Variants in NUP93 observed in about 807,000 individuals in gnomAD.
NUP93 encodes nucleoporin 93, also known as nuclear pore complex protein Nup93.
NUP93 carries 55 observed loss-of-function variants against 107.8 expected under a neutral mutation model. The observed-to-expected ratio is 0.51, with a 90% CI of 0.41 to 0.64. The LOEUF (loss-of-function observed/expected upper bound fraction) is 0.64. NUP93 is among the 30% of genes least tolerant of loss of function. The pLI, the probability that NUP93 is intolerant of heterozygous loss-of-function variation, is 0.00. For missense variants in NUP93, 937 were observed against 1,044.7 expected (o/e 0.90, Z 1.42); for synonymous variants, 390 against 397.5 (o/e 0.98, Z 0.22).
At chr16:56,741,785 A>G (rs562731765) in intron 1 of NUP93, 2 of 152,340 alleles carry the variant, frequency 1.3e-5, no homozygotes, top group African/African-American at 2.4e-5. Flanking sequence ...TTTAGGTTGC[A>G]TGATCTTTGA....
At chr16:56,792,081 T>C (rs1962777494) in intron 3 of NUP93, among the ~76,000 whole-genome samples, 1 of 152,106 alleles carries the variant, frequency 6.6e-6, no homozygotes, top group South Asian at 2.1e-4. Context: ...TCCGGAGACT[T>C]AGGTGGGAGG....
rs758408999 is a variant in NUP93, at chr16:56,844,581, T to G, written c.2432T>G (p.Leu811Arg). 16 of 1,594,060 alleles carry G rather than the reference T, an allele frequency of 1.0e-5. No individual in the cohort carries two copies. Among genetic ancestry groups the G allele is most frequent in the Non-Finnish European group, 1.3e-5 (15 of 1,170,542 alleles). Reference sequence around the variant, plus strand: ...ACGTCTGGGGACACCAATGCGAGGCTGGTGCAGATGGAGGTCCTCATGAAT... The same window carrying G: ...ACGTCTGGGGACACCAATGCGAGGCGGGTGCAGATGGAGGTCCTCATGAAT... ...YRTSGDTNAR[L>R]VQMEVLMN is the part of the protein sequence containing the mutation. The change falls in exon 22 of 22, where the codon CTG (leucine) becomes CGG (arginine). Residue 811 changes from leucine (L) to arginine (R), a missense_variant. Transcript: ENST00000308159.
At chr16:56,821,980 G>A (rs895633698) in intron 7 of NUP93, among the ~76,000 whole-genome samples, 1 of 149,982 alleles carries the variant, frequency 6.7e-6, no homozygotes, top group Non-Finnish European at 1.5e-5. Flanking sequence ...ACTCGGTGGG[G>A]CCTTTGTGAG....
chr16:56,799,817 G>A (rs1962982241), intron 4 of NUP93, among the ~76,000 whole-genome samples: 1 of 152,202 alleles, frequency 6.6e-6, no homozygotes, highest in African/African-American at 2.4e-5. Flanking sequence ...GCAGCAGGGA[G>A]ACTTGCCAGC....
At chr16:56,757,217 G>A (rs928543754) in intron 2 of NUP93, among the ~76,000 whole-genome samples, 13 of 152,208 alleles carry the variant, frequency 8.5e-5, no homozygotes, top group Admixed American at 5.2e-4. Flanking sequence ...GTAGGTGTTA[G>A]GGTTACATGT....
chr16:56,816,720 G>T lies in NUP93; in HGVS notation c.490-1944G>T, dbSNP rs565946470. On this transcript the variant is annotated intron_variant, in intron 5 of 21. Coordinates refer to ENST00000308159, the MANE Select transcript of NUP93 (RefSeq NM_014669.5). ...TTGATGTAGTAGAGTCTGGAAAAGG[G>T]TATATTCAGTGGTGTATAGGGATCA... 4.6e-5 allele frequency among the ~76,000 whole-genome samples: 7 copies of T among 152,226 alleles called. No individual in the cohort carries two copies. In the East Asian group the frequency reaches 1.2e-3, roughly 25 times the overall value.
chr16:56,825,557 C>T (rs1338556642), intron 8 of NUP93, among the ~76,000 whole-genome samples: 1 of 151,796 alleles, frequency 6.6e-6, no homozygotes, highest in Non-Finnish European at 1.5e-5. Flanking sequence ...TGTATGACTG[C>T]TCATGACTAC....
chr16:56,841,945 C>T (rs1964034967), intron 21 of NUP93, 112 bp downstream of exon 21: 1 of 1,286,758 alleles, frequency 7.8e-7, no homozygotes, highest in South Asian at 1.5e-5. Flanking sequence ...TCCTCAGTAC[C>T]TGGCAGCTGG....
intron 3 of NUP93, among the ~76,000 whole-genome samples, chr16:56,777,706 T>C (rs1962440574): frequency 6.6e-6 from 1 of 152,196 alleles, no homozygotes; most frequent in Non-Finnish European, 1.5e-5. Context: ...TTGCATATAA[T>C]GAGGAAGCCA....
intron 5 of NUP93, among the ~76,000 whole-genome samples, chr16:56,808,884 T>A (rs1963250681): frequency 6.7e-6 from 1 of 149,982 alleles, no homozygotes. Flanking sequence ...ATTCAGATAT[T>A]AAAGCACCCT....
At chr16:56,788,041 GC>G (rs1962667710) in intron 3 of NUP93, among the ~76,000 whole-genome samples, 1 of 152,078 alleles carries the variant, frequency 6.6e-6, no homozygotes, top group Admixed American at 6.6e-5. Context: ...CTCTTTTCTT[GC>G]GTCTCCAAAG....
At chr16:56,762,687 G>A (rs1444622824) in intron 3 of NUP93, among the ~76,000 whole-genome samples, 1 of 152,098 alleles carries the variant, frequency 6.6e-6, no homozygotes, top group Non-Finnish European at 1.5e-5. Flanking sequence ...CTGCAAACTT[G>A]GTGGCCTAAA....
chr16:56,836,077 C>T lies in NUP93; in HGVS notation c.1783-524C>T, dbSNP rs937177611. ...CTGGGAGGCAGAGCTTGCAGTGAGC[C>T]GAGATTGCGCCACTGCACTCCAGCC... is the stretch of plus-strand genomic sequence containing the variant. On this transcript the variant is annotated intron_variant, in intron 16 of 21. Coordinates refer to ENST00000308159, the MANE Select transcript of NUP93 (RefSeq NM_014669.5). 1.5e-4 allele frequency among the ~76,000 whole-genome samples: 23 copies of T among 148,574 alleles called. No individual in the cohort carries two copies. In the South Asian group the frequency reaches 4.7e-3, roughly 30 times the overall value.
At chr16:56,791,234 A>G (rs1962755683) in intron 3 of NUP93, among the ~76,000 whole-genome samples, 1 of 152,222 alleles carries the variant, frequency 6.6e-6, no homozygotes, top group Admixed American at 6.5e-5. Context: ...TTTGAAGGTC[A>G]TGAAAACATG....
intron 16 of NUP93, 137 bp downstream of exon 16, chr16:56,834,915 A>G (rs1963880240): frequency 6.2e-6 from 4 of 641,796 alleles, no homozygotes; most frequent in Non-Finnish European, 1.0e-5. Context: ...AAAAAATGGA[A>G]TGAAAATTAT....
intron 3 of NUP93, among the ~76,000 whole-genome samples, chr16:56,760,539 G>A (rs1322852992): frequency 1.3e-5 from 2 of 152,078 alleles, no homozygotes; most frequent in Admixed American, 6.5e-5. Flanking sequence ...GAGCTTGCAC[G>A]TCACATGGTG....
rs557469285 is a variant in NUP93, at chr16:56,828,415, TAGGCAGG to T, written c.795-559_795-553del. On this transcript the variant is annotated intron_variant, in intron 8 of 21. Transcript: ENST00000308159. ...CTTGGTATCATAATGATACTGAGGT[TAGGCAGG>T]AGAAGGTCCTAGTTCTTCAGAGCCA... Among the ~76,000 whole-genome samples, 46 of 152,268 alleles carry T rather than the reference TAGGCAGG, an allele frequency of 3.0e-4. 1 individual carries two copies. In the South Asian group the frequency reaches 9.1e-3, roughly 30 times the overall value.
chr16:56,788,243 G>A (rs1320949660), intron 3 of NUP93, among the ~76,000 whole-genome samples: 2 of 152,164 alleles, frequency 1.3e-5, no homozygotes, highest in Non-Finnish European at 2.9e-5. Flanking sequence ...GGCCAGCAGA[G>A]GCCCTTCCAC....
Position 56,831,259 on chromosome 16 carries a change from A to G in NUP93, c.1085+574A>G, listed in dbSNP as rs74729881. On this transcript the variant is annotated intron_variant, in intron 10 of 21. Coordinates refer to ENST00000308159, the MANE Select transcript of NUP93 (RefSeq NM_014669.5). ...ACTCAAACTGAGGTTATATATATGT[A>G]CATGTATGTAGAAGAAATGATGGCG... is the stretch of plus-strand genomic sequence containing the variant. Among the ~76,000 whole-genome samples the G allele has an allele frequency of 1.3e-4, 20 of 152,312 alleles. 1 individual carries two copies. In the East Asian group the frequency reaches 3.3e-3, roughly 25 times the overall value.
Sources: gnomAD v4.1 joint callset for allele counts (sites outside exome capture counted in the v4.1 genomes callset) on GRCh38, gnomAD v4.1.1 for gene constraint, MANE v1.5 for transcripts, NCBI Gene and HGNC (gene_info 2026-07-23, HGNC 2026-07-21) for gene names.